Variants in CFAP97D2 observed in about 807,000 individuals in gnomAD.
CFAP97D2 encodes CFAP97 domain containing 2, also known as uncharacterized protein CFAP97D2.
Position 114,222,504 on chromosome 13 carries a change from G to A in CFAP97D2, c.487G>A (p.Val163Met). The change falls in exon 5 of 5, where the codon GTG becomes ATG. Residue 163 changes from valine to methionine, a missense_variant. Physicochemically the swap from Val to Met is conservative, Grantham distance 21. Coordinates refer to ENST00000646158, the Ensembl canonical transcript of CFAP97D2. This position sits in a 1 kb window ranked among gnomAD's most constrained non-coding sequence, Gnocchi z 4.4. The stretch of plus-strand genomic sequence containing the variant: ...ATATGTATTTTAAATCCAGCAGGAA[G>A]TGAAACTGGATTAGCAAGCGCACAG... The A allele has an allele frequency of 2.5e-6, 1 of 398,628 alleles. No individual in the cohort carries two copies. The highest frequency in any genetic ancestry group is 4.4e-6 in the Non-Finnish European group (1 of 226,070). The allele number at this position is 398,628 out of a possible 1,614,324, so 24.7% of individuals were successfully genotyped here.
At chr13:114,209,022 G>C in intron 3 of CFAP97D2, among the ~76,000 whole-genome samples, 1 of 152,184 alleles carries the variant, frequency 6.6e-6, no homozygotes. Flanking sequence ...GCCTGGAGGA[G>C]AATTTGGCTA....
Position 114,185,700 on chromosome 13 carries a change from C to T in CFAP97D2, c.90+6280C>T, listed in dbSNP as rs541848819. Among the ~76,000 whole-genome samples the T allele has an allele frequency of 6.6e-6, 1 of 152,368 alleles. No homozygotes were observed. The highest frequency in any genetic ancestry group is 2.4e-5 in the African/African-American group (1 of 41,588). On this transcript the variant is annotated intron_variant, in intron 1 of 4. Coordinates refer to ENST00000646158, the Ensembl canonical transcript of CFAP97D2. This position sits in a 1 kb window ranked among gnomAD's most constrained non-coding sequence, Gnocchi z 5.2. Reference sequence around the variant, plus strand: ...GGGCCAAGCCCAGGCACTGTCACAGCCCGGCTGGGTGTGCCCACACTTAGG... The same window carrying T: ...GGGCCAAGCCCAGGCACTGTCACAGTCCGGCTGGGTGTGCCCACACTTAGG...
chr13:114,192,213 C>T (rs67652251), intron 1 of CFAP97D2, among the ~76,000 whole-genome samples: 22,599 of 151,992 alleles, frequency 0.15, 2,009 homozygotes, highest in Non-Finnish European at 0.18. Flanking sequence ...TGAACCCTAA[C>T]GTAAACTATG....
At chr13:114,221,119 C>T (rs752391012) in intron 4 of CFAP97D2, among the ~76,000 whole-genome samples, 1 of 152,144 alleles carries the variant, frequency 6.6e-6, no homozygotes, top group Non-Finnish European at 1.5e-5. Flanking sequence ...TAGTGGCGTG[C>T]GCCTGTAGTC....
At chr13:114,196,906 T>A (rs954654387) in intron 2 of CFAP97D2, among the ~76,000 whole-genome samples, 1 of 152,048 alleles carries the variant, frequency 6.6e-6, no homozygotes. Flanking sequence ...CAACTTGGAG[T>A]GGGAGCAGGG....
At chr13:114,214,534 C>T (rs1009816244) in intron 4 of CFAP97D2, among the ~76,000 whole-genome samples, 1 of 152,162 alleles carries the variant, frequency 6.6e-6, no homozygotes, top group African/African-American at 2.4e-5. Context: ...CTGTTAGCAA[C>T]TTGCATGTGA....
rs1273843776 is a variant in CFAP97D2 at position 114,186,611 on chromosome 13, G to C, written c.90+7191G>C. Among the ~76,000 whole-genome samples the C allele has an allele frequency of 6.6e-6, 1 of 152,228 alleles. No individual in the cohort carries two copies. The highest frequency in any genetic ancestry group is 1.5e-5 in the Non-Finnish European group (1 of 68,040). On this transcript the variant is annotated intron_variant, in intron 1 of 4. Coordinates refer to ENST00000646158, the Ensembl canonical transcript of CFAP97D2. This position sits in a 1 kb window ranked among gnomAD's most constrained non-coding sequence, Gnocchi z 4.3. Reference sequence around the variant, plus strand: ...CCAGACCTGGGAGCTCCCTGAGCCAGGGCTGTGACTCCCACTTTGGGGCCC... The same window carrying C: ...CCAGACCTGGGAGCTCCCTGAGCCACGGCTGTGACTCCCACTTTGGGGCCC...
chr13:114,180,008 T>C (rs2080826687), intron 1 of CFAP97D2, among the ~76,000 whole-genome samples: 2 of 152,226 alleles, frequency 1.3e-5, no homozygotes, highest in African/African-American at 2.4e-5. Context: ...AGCCAACCCT[T>C]GTCCCCATTA....
At position 114,193,860 on chromosome 13, in the gene CFAP97D2, G is replaced by A. The variant is rs7335800; in HGVS notation, c.91-2536G>A. 3.9e-3 allele frequency among the ~76,000 whole-genome samples: 589 copies of A among 152,288 alleles called. 2 individuals carry two copies. The highest frequency in any genetic ancestry group is 8.5e-3 in the African/African-American group (355 of 41,564). On this transcript the variant is annotated intron_variant, in intron 1 of 4. Coordinates refer to ENST00000646158, the Ensembl canonical transcript of CFAP97D2. ...TTGGCCAGGCTGCTCTTGAACTCCT[G>A]ACCTCAGATGATCCATCTGCCTCGG...
rs771619315 is a variant in CFAP97D2, at chr13:114,189,255, C to A, written c.91-7141C>A. Among the ~76,000 whole-genome samples, 2 of 152,060 alleles carry A rather than the reference C, an allele frequency of 1.3e-5. No homozygotes were observed. Among genetic ancestry groups the A allele is most frequent in the Admixed American group, 1.3e-4 (2 of 15,260 alleles). Reference sequence around the variant, plus strand: ...TAACCTAAATGAAAAGGGCCAATTTCTTCAAAGGTTCAATCTGCCAAAATT... The same window carrying A: ...TAACCTAAATGAAAAGGGCCAATTTATTCAAAGGTTCAATCTGCCAAAATT... On this transcript the variant is annotated intron_variant, in intron 1 of 4. Transcript: ENST00000646158. This position sits in a 1 kb window ranked among gnomAD's most constrained non-coding sequence, Gnocchi z 4.5.
rs185731563 is a variant in CFAP97D2, at chr13:114,189,272, G to A, written c.91-7124G>A. ...GCCAATTTCTTCAAAGGTTCAATCT[G>A]CCAAAATTCACACAAAATGAAATAG... is the stretch of plus-strand genomic sequence containing the variant. On this transcript the variant is annotated intron_variant, in intron 1 of 4. Transcript: ENST00000646158. The surrounding 1 kb of genome is among the most constrained non-coding windows in gnomAD (Gnocchi z 4.5). 1.4e-3 allele frequency among the ~76,000 whole-genome samples: 213 copies of A among 152,150 alleles called. No individual in the cohort carries two copies. The highest frequency in any genetic ancestry group is 2.2e-3 in the Non-Finnish European group (150 of 67,994).
intron 3 of CFAP97D2, among the ~76,000 whole-genome samples, chr13:114,201,730 G>T (rs1230140785): frequency 6.6e-6 from 1 of 152,216 alleles, no homozygotes; most frequent in Non-Finnish European, 1.5e-5. Flanking sequence ...GTTTTCAGGG[G>T]AGTCTCAGCT....
At position 114,190,937 on chromosome 13, in the gene CFAP97D2, A is replaced by T. The variant is rs555900378; in HGVS notation, c.91-5459A>T. On this transcript the variant is annotated intron_variant, in intron 1 of 4. Transcript: ENST00000646158. ...TTAATGAAAGAATAGGCAAATCATCAACTGATCTTTGACACAGCAACAAAG... is the reference window on the plus strand; with the variant it reads ...TTAATGAAAGAATAGGCAAATCATCTACTGATCTTTGACACAGCAACAAAG... 3.3e-4 allele frequency among the ~76,000 whole-genome samples: 50 copies of T among 152,348 alleles called. 2 individuals are homozygous for T. The South Asian group carries it at 4.6e-3, about 14-fold the overall frequency.
intron 1 of CFAP97D2, among the ~76,000 whole-genome samples, chr13:114,180,188 G>T (rs181524264): frequency 6.6e-6 from 1 of 152,338 alleles, no homozygotes; most frequent in Non-Finnish European, 1.5e-5. Flanking sequence ...TGATCAGGCT[G>T]GAAATACTCT....
chr13:114,216,705 G>A (rs1178240126), intron 4 of CFAP97D2, among the ~76,000 whole-genome samples: 1 of 152,172 alleles, frequency 6.6e-6, no homozygotes, highest in Non-Finnish European at 1.5e-5. Context: ...GGACATTTGG[G>A]TTGGTTCCAA....
intron 1 of CFAP97D2, among the ~76,000 whole-genome samples, chr13:114,182,901 A>C (rs1455407559): frequency 6.6e-6 from 1 of 152,188 alleles, no homozygotes; most frequent in Non-Finnish European, 1.5e-5. Context: ...TTCTACATAG[A>C]CACAGTGACA....
In CFAP97D2 at chr13:114,182,371, A is replaced by G. The variant is rs373952780; in HGVS notation, c.90+2951A>G. On this transcript the variant is annotated intron_variant, in intron 1 of 4. Coordinates refer to ENST00000646158, the Ensembl canonical transcript of CFAP97D2. Reference sequence around the variant, plus strand: ...TATCTCAGAATTGAACAAATGTACAATCGGGTTTTATACCGAGACATTCAG... The same window carrying G: ...TATCTCAGAATTGAACAAATGTACAGTCGGGTTTTATACCGAGACATTCAG... 1.0e-3 allele frequency among the ~76,000 whole-genome samples: 156 copies of G among 151,982 alleles called. 2 individuals carry two copies. The highest frequency in any genetic ancestry group is 2.3e-3 in the African/African-American group (94 of 41,542).
At chr13:114,182,200 A>C (rs184931096) in intron 1 of CFAP97D2, among the ~76,000 whole-genome samples, 2,496 of 142,352 alleles carry the variant, frequency 0.018, 142 homozygotes, top group African/African-American at 0.044. Context: ...TGTCGTAATT[A>C]AGTTCAAGGG....
At chr13:114,214,729 G>A (rs1928034) in intron 4 of CFAP97D2, among the ~76,000 whole-genome samples, 4,126 of 152,156 alleles carry the variant, frequency 0.027, 181 homozygotes, top group African/African-American at 0.094. Flanking sequence ...TGGGGTTATA[G>A]GCATGAGCCA....
Sources: gnomAD v4.1 joint callset for allele counts (sites outside exome capture counted in the v4.1 genomes callset) on GRCh38, gnomAD v4.1.1 for gene constraint, Gnocchi (gnomAD v3.1) non-coding constraint, MANE v1.5 for transcripts, NCBI Gene and HGNC (gene_info 2026-07-23, HGNC 2026-07-21) for gene names.